Variants in DCDC1 observed in about 807,000 individuals in gnomAD.
DCDC1 encodes the protein doublecortin domain containing 1.
DCDC1 carries 200 observed loss-of-function variants against 178.3 expected under a neutral mutation model. The observed-to-expected ratio is 1.12, with a 90% confidence interval of 1.00 to 1.26. The LOEUF is 1.26. DCDC1 is among the 50% of genes most tolerant of loss of function. DCDC1 has a pLI of 0.00. For missense variants in DCDC1, 1,983 were observed against 1,749.2 expected (o/e 1.13, Z -2.38); for synonymous variants, 690 against 604.8 (o/e 1.14, Z -2.07).
At chr11:30,958,023 C>A (rs1192860379) in intron 20 of DCDC1, among the ~76,000 whole-genome samples, 1 of 152,118 alleles carries the variant, frequency 6.6e-6, no homozygotes, top group East Asian at 1.9e-4. Flanking sequence ...CATTTATAGT[C>A]CCACTTGGAT....
chr11:31,230,549 C>T (rs985796604), intron 9 of DCDC1, among the ~76,000 whole-genome samples: 2 of 152,238 alleles, frequency 1.3e-5, no homozygotes, highest in Non-Finnish European at 2.9e-5. Flanking sequence ...GAGCATCCAG[C>T]ATCAGCTACT....
chr11:31,127,950 C>T (rs2135938130), intron 10 of DCDC1, among the ~76,000 whole-genome samples: 1 of 152,094 alleles, frequency 6.6e-6, no homozygotes, highest in East Asian at 1.9e-4. Flanking sequence ...GACTTTTAAA[C>T]TGTTTAACAA....
In DCDC1 at chr11:30,905,458, G is replaced by T. The variant is rs181113697; in HGVS notation, c.4105-294C>A. Among the ~76,000 whole-genome samples, 5 of 152,226 alleles carry T rather than the reference G, an allele frequency of 3.3e-5. No homozygotes were observed. In the East Asian group the frequency reaches 9.7e-4, roughly 29 times the overall value. ...TGTTTTTTGCTTTCTCTCTGCCATGGCCAGAGAGAGCCTGGATTAAAGTAA... is the reference window on the plus strand; with the variant it reads ...TGTTTTTTGCTTTCTCTCTGCCATGTCCAGAGAGAGCCTGGATTAAAGTAA... On this transcript the variant is annotated intron_variant, in intron 30 of 38. Coordinates refer to ENST00000684477, the MANE Select transcript of DCDC1 (RefSeq NM_001387274.1).
At chr11:31,134,156 G>C (rs1377009477) in intron 10 of DCDC1, among the ~76,000 whole-genome samples, 2 of 152,220 alleles carry the variant, frequency 1.3e-5, no homozygotes, top group African/African-American at 2.4e-5. Context: ...ACTCATGGGA[G>C]AAGGAACAAT....
At chr11:31,138,346 C>T (rs1057453505) in intron 9 of DCDC1, among the ~76,000 whole-genome samples, 3 of 152,080 alleles carry the variant, frequency 2.0e-5, no homozygotes, top group Admixed American at 2.0e-4. Context: ...TGCTGCCAAC[C>T]CATGTGTTAC....
chr11:31,270,162 T>C (rs1283865848), intron 7 of DCDC1, among the ~76,000 whole-genome samples: 1 of 152,206 alleles, frequency 6.6e-6, no homozygotes, highest in Non-Finnish European at 1.5e-5. Context: ...TCCCAGTCCA[T>C]AGCCTGTTTC....
intron 15 of DCDC1, among the ~76,000 whole-genome samples, chr11:31,095,269 G>C (rs1364910350): frequency 1.3e-5 from 2 of 152,090 alleles, no homozygotes; most frequent in African/African-American, 4.8e-5. Flanking sequence ...TTTCTTTATA[G>C]TAGAATGATT....
chr11:31,019,697 A>T (rs1263463566), intron 20 of DCDC1, among the ~76,000 whole-genome samples: 1 of 152,098 alleles, frequency 6.6e-6, no homozygotes, highest in African/African-American at 2.4e-5. Context: ...CCTGCCCTTA[A>T]AATCAAATCC....
chr11:30,894,294 T>C lies in DCDC1; in HGVS notation c.4856A>G (p.Gln1619Arg), dbSNP rs769102210. The C allele has an allele frequency of 1.1e-5, 18 of 1,613,820 alleles. No homozygotes were observed. Among genetic ancestry groups the C allele is most frequent in the Non-Finnish European group, 1.4e-5 (17 of 1,179,826 alleles). ...PVVVEGGWTEQTQQEIKLMEL... is the reference protein window; with the variant it reads ...PVVVEGGWTERTQQEIKLMEL... ...CATGAGTTTAATTTCCTGTTGAGTC[T>C]GTTCGGTCCAGCCTCCTTCAACCAC... Residue 1619 changes from glutamine (Q) to arginine (R), a missense_variant, in exon 35 of 39, where the codon CAG becomes CGG. Coordinates refer to ENST00000684477, the MANE Select transcript of DCDC1 (RefSeq NM_001387274.1).
intron 20 of DCDC1, among the ~76,000 whole-genome samples, chr11:31,033,496 T>C (rs935597931): frequency 1.3e-5 from 2 of 152,180 alleles, no homozygotes; most frequent in African/African-American, 4.8e-5. Flanking sequence ...CATTCATTTA[T>C]TTATTCAGTA....
At position 31,276,851 on chromosome 11, in the gene DCDC1, G is replaced by T. The variant is rs1362773041; in HGVS notation, c.961-11251C>A. Among the ~76,000 whole-genome samples the T allele has an allele frequency of 3.3e-5, 5 of 152,192 alleles. No homozygotes were observed. In the East Asian group the frequency reaches 7.7e-4, roughly 23 times the overall value. ...TTCTCGTGAATTTGTGTTCTGTGGT[G>T]TTTTGGTATTTTATTTTTAGAATGT... On this transcript the variant is annotated intron_variant, in intron 7 of 38. Coordinates refer to ENST00000684477, the MANE Select transcript of DCDC1 (RefSeq NM_001387274.1).
In DCDC1 at chr11:31,328,743, G is replaced by A. The variant is rs547453762; in HGVS notation, c.-6-457C>T. On this transcript the variant is annotated intron_variant, in intron 2 of 38. Transcript: ENST00000684477. The stretch of plus-strand genomic sequence containing the variant: ...GGAGAATGGCAGGAACCCGGGAGGT[G>A]GAGCTTGCAGTGCGGTGAGATCGCG... Among the ~76,000 whole-genome samples the A allele has an allele frequency of 2.8e-4, 42 of 150,846 alleles. No homozygotes were observed. In the South Asian group the frequency reaches 3.1e-3, roughly 11 times the overall value.
At chr11:31,071,264 A>G (rs1249684101) in intron 18 of DCDC1, among the ~76,000 whole-genome samples, 1 of 152,192 alleles carries the variant, frequency 6.6e-6, no homozygotes, top group African/African-American at 2.4e-5. Flanking sequence ...ATGCCACAAT[A>G]TATTCATACA....
At chr11:31,171,320 C>T (rs994779440) in intron 9 of DCDC1, among the ~76,000 whole-genome samples, 2 of 142,434 alleles carry the variant, frequency 1.4e-5, no homozygotes, top group African/African-American at 5.4e-5. Context: ...TGTTGTAACA[C>T]AAAGTCAGCC....
chr11:30,953,219 A>T (rs547879897), intron 20 of DCDC1, among the ~76,000 whole-genome samples: 1 of 149,502 alleles, frequency 6.7e-6, no homozygotes, highest in East Asian at 1.9e-4. Context: ...ATGCAATTTT[A>T]AAATTTCGAC....
intron 2 of DCDC1, among the ~76,000 whole-genome samples, chr11:31,334,887 A>G (rs1349886356): frequency 6.6e-6 from 1 of 152,110 alleles, no homozygotes. Context: ...CAGTCTGTCC[A>G]TTCTCTGAGC....
intron 36 of DCDC1, among the ~76,000 whole-genome samples, chr11:30,887,082 G>GA (rs557028182): frequency 6.6e-5 from 10 of 150,692 alleles, no homozygotes; most frequent in African/African-American, 9.7e-5. Flanking sequence ...ATAAATTTAG[G>GA]AAAAAAAAAT....
chr11:30,900,528 G>A, intron 32 of DCDC1, 30 bp from the exon 33 acceptor site: 1 of 1,452,364 alleles, frequency 6.9e-7, no homozygotes, highest in Non-Finnish European at 9.2e-7. Flanking sequence ...ATTTATCATT[G>A]TTCAACGAAT....
intron 20 of DCDC1, among the ~76,000 whole-genome samples, chr11:30,973,777 A>T (rs1316972249): frequency 6.6e-6 from 1 of 152,226 alleles, no homozygotes; most frequent in Admixed American, 6.5e-5. Context: ...AATAAACTGT[A>T]ATACAGTAAC....
Sources: allele counts gnomAD v4.1 joint callset (sites outside exome capture counted in the v4.1 genomes callset), GRCh38; gene constraint gnomAD v4.1.1; transcripts MANE v1.5; gene names NCBI Gene and HGNC (gene_info 2026-07-23, HGNC 2026-07-21).